MAGI2: variants seen among roughly 807,000 people sequenced by gnomAD.
MAGI2 encodes the protein membrane-associated guanylate kinase, WW and PDZ domain-containing protein 2.
In MAGI2, 35 loss-of-function variants were observed where a neutral mutation model predicts 133.3. The observed-to-expected ratio is 0.26, with a 90% CI of 0.20 to 0.35. The LOEUF is 0.35. Ranked by LOEUF, MAGI2 falls within the 10% of genes least tolerant of loss-of-function variation. MAGI2 has a pLI of 1.00. For missense variants in MAGI2, 1,636 were observed against 1,863.4 expected (o/e 0.88, Z 2.25); for synonymous variants, 729 against 710.6 (o/e 1.03, Z -0.41).
At chr7:78,572,654 T>G (rs1358287766) in intron 3 of MAGI2, among the ~76,000 whole-genome samples, 1 of 151,412 alleles carries the variant, frequency 6.6e-6, no homozygotes, top group Non-Finnish European at 1.5e-5. Context: ...CTATTTACTT[T>G]TATATTTATT....
rs189788476 is a variant in MAGI2 at position 78,857,543 on chromosome 7, G to T, written c.418+149547C>A. 1.5e-4 allele frequency among the ~76,000 whole-genome samples: 23 copies of T among 152,284 alleles called. 1 individual carries two copies. Among genetic ancestry groups the T allele is most frequent in the Admixed American group, 1.2e-3 (19 of 15,298 alleles). The stretch of plus-strand genomic sequence containing the variant: ...TTTTTGTGTTTGGTTCTGTTTATAT[G>T]ATGCATTACGTTTATTGATTTGCAT... On this transcript the variant is annotated intron_variant, in intron 2 of 21. Transcript: ENST00000354212.
chr7:79,228,248 G>A (rs1831029726), intron 1 of MAGI2, among the ~76,000 whole-genome samples: 1 of 150,540 alleles, frequency 6.6e-6, no homozygotes. Context: ...GGAGGCTGAG[G>A]TTGGGGATTG....
intron 5 of MAGI2, among the ~76,000 whole-genome samples, chr7:78,495,345 G>C (rs1793991214): frequency 6.6e-6 from 1 of 152,184 alleles, no homozygotes; most frequent in East Asian, 1.9e-4. Context: ...TCCTGCTTAT[G>C]AGTGAGAACA....
At chr7:78,059,429 C>G (rs1352713906) in intron 21 of MAGI2, among the ~76,000 whole-genome samples, 1 of 152,184 alleles carries the variant, frequency 6.6e-6, no homozygotes, top group Non-Finnish European at 1.5e-5. Context: ...TTCTTCCAAT[C>G]ATTCAATGCT....
intron 1 of MAGI2, among the ~76,000 whole-genome samples, chr7:79,186,216 A>G (rs370305147): frequency 8.8e-5 from 2 of 22,774 alleles, no homozygotes; most frequent in African/African-American, 1.1e-4. Context: ...ATATATATAT[A>G]TATATATATA....
chr7:79,262,249 A>G (rs77656979), intron 1 of MAGI2, among the ~76,000 whole-genome samples: 2,510 of 152,258 alleles, frequency 0.016, 34 homozygotes, highest in East Asian at 0.038. Context: ...GAATAAACTC[A>G]GTTTTGTTTT....
In MAGI2 at chr7:78,758,928, A is replaced by G. The variant is rs905589169; in HGVS notation, c.419-131689T>C. 2.6e-5 allele frequency among the ~76,000 whole-genome samples: 4 copies of G among 152,136 alleles called. No homozygotes were observed. The East Asian group carries it at 7.7e-4, about 29-fold the overall frequency. On this transcript the variant is annotated intron_variant, in intron 2 of 21. Coordinates refer to ENST00000354212, the MANE Select transcript of MAGI2 (RefSeq NM_012301.4). Reference sequence around the variant, plus strand: ...GTAGTTAATCTGTCACATTCAAATAATTTGTTTACACGTCTATCTCCCACA... The same window carrying G: ...GTAGTTAATCTGTCACATTCAAATAGTTTGTTTACACGTCTATCTCCCACA...
intron 9 of MAGI2, among the ~76,000 whole-genome samples, chr7:78,314,777 T>C (rs1787230792): frequency 6.6e-6 from 1 of 152,196 alleles, no homozygotes; most frequent in Non-Finnish European, 1.5e-5. Context: ...TGCTTTTGAT[T>C]GTGTTGTTTC....
intron 21 of MAGI2, among the ~76,000 whole-genome samples, chr7:78,070,106 T>C (rs867341066): frequency 3.6e-3 from 286 of 79,648 alleles, no homozygotes; most frequent in African/African-American, 9.1e-3. Context: ...CACACACACA[T>C]ACACACACAC....
In MAGI2 at chr7:78,039,400, G is replaced by T. The variant is rs529632459; in HGVS notation, c.3707-19424C>A. Among the ~76,000 whole-genome samples the T allele has an allele frequency of 2.0e-5, 3 of 152,278 alleles. No homozygotes were observed. The South Asian group carries it at 6.2e-4, about 32-fold the overall frequency. Reference sequence around the variant, plus strand: ...CCTTCAAGAGAGAGTCTGTGACTTTGGTTTATTCATGACAAATCTCTTCCC... The same window carrying T: ...CCTTCAAGAGAGAGTCTGTGACTTTTGTTTATTCATGACAAATCTCTTCCC... On this transcript the variant is annotated intron_variant, in intron 21 of 21. Transcript: ENST00000354212.
chr7:78,880,993 C>A lies in MAGI2; in HGVS notation c.418+126097G>T, dbSNP rs149570913. ...ACAAAGAAGGCCCTTATATAAAGAT[C>A]AAGGGTTCAATTCAACAAGAAAACT... On this transcript the variant is annotated intron_variant, in intron 2 of 21. Transcript: ENST00000354212. 3.1e-3 allele frequency among the ~76,000 whole-genome samples: 471 copies of A among 152,204 alleles called. 4 individuals are homozygous for A. The highest frequency in any genetic ancestry group is 0.011 in the African/African-American group (447 of 41,534).
chr7:78,676,341 T>C (rs1815020908), intron 2 of MAGI2, among the ~76,000 whole-genome samples: 1 of 152,146 alleles, frequency 6.6e-6, no homozygotes, highest in Non-Finnish European at 1.5e-5. Flanking sequence ...AAGTAAGAAT[T>C]GTTTAGATTC....
intron 10 of MAGI2, among the ~76,000 whole-genome samples, chr7:78,221,336 T>C (rs1011340088): frequency 4.6e-5 from 7 of 152,214 alleles, no homozygotes; most frequent in African/African-American, 1.4e-4. Flanking sequence ...TGAAGCAGCA[T>C]TGTGCCCCAG....
intron 15 of MAGI2, among the ~76,000 whole-genome samples, chr7:78,163,616 A>G (rs1481499091): frequency 6.6e-6 from 1 of 152,136 alleles, no homozygotes; most frequent in African/African-American, 2.4e-5. Context: ...TGGTCTGCAC[A>G]GTGCTGGCCT....
chr7:78,750,526 C>T lies in MAGI2; in HGVS notation c.419-123287G>A, dbSNP rs115600253. Among the ~76,000 whole-genome samples the T allele has an allele frequency of 3.8e-3, 573 of 152,246 alleles. 3 individuals are homozygous for T. Among genetic ancestry groups the T allele is most frequent in the African/African-American group, 0.013 (551 of 41,546 alleles). ...GCAATTTTTATATGCCAAGACTGCT[C>T]CTGTCTTACAAGATAACTTCTGGAA... On this transcript the variant is annotated intron_variant, in intron 2 of 21. Transcript: ENST00000354212.
In MAGI2 at chr7:78,789,371, C is replaced by A. The variant is rs116176786; in HGVS notation, c.419-162132G>T. On this transcript the variant is annotated intron_variant, in intron 2 of 21. Transcript: ENST00000354212. ...AATTCAACTTCAATTATCTAAGTAGCCAATAATTTCCTCTTACTGGTGCAT... is the reference window on the plus strand; with the variant it reads ...AATTCAACTTCAATTATCTAAGTAGACAATAATTTCCTCTTACTGGTGCAT... 2.8e-3 allele frequency among the ~76,000 whole-genome samples: 422 copies of A among 152,236 alleles called. 1 individual carries two copies. The highest frequency in any genetic ancestry group is 0.014 in the Middle Eastern group (4 of 294).
chr7:78,126,875 A>G (rs1475591927), intron 19 of MAGI2, among the ~76,000 whole-genome samples: 1 of 152,240 alleles, frequency 6.6e-6, no homozygotes, highest in South Asian at 2.1e-4. Context: ...CCCAGGTTAG[A>G]GCATTTTTAA....
intron 1 of MAGI2, among the ~76,000 whole-genome samples, chr7:79,229,389 G>A (rs1002753300): frequency 2.6e-5 from 4 of 151,792 alleles, no homozygotes; most frequent in African/African-American, 4.9e-5. Flanking sequence ...TACAGCCTTT[G>A]GGCCTACCAT....
chr7:78,776,481 C>T (rs1414338244), intron 2 of MAGI2, among the ~76,000 whole-genome samples: 11 of 152,196 alleles, frequency 7.2e-5, no homozygotes, highest in African/African-American at 4.8e-5. Flanking sequence ...TTTCTAACAG[C>T]ACTTGCATTT....
Sources: gnomAD v4.1 joint callset for allele counts (sites outside exome capture counted in the v4.1 genomes callset) on GRCh38, gnomAD v4.1.1 for gene constraint, MANE v1.5 for transcripts, NCBI Gene and HGNC (gene_info 2026-07-23, HGNC 2026-07-21) for gene names.